Variants in RALY observed in about 807,000 individuals in gnomAD.
RALY encodes RNA-binding protein Raly.
A neutral mutation model predicts 30.7 loss-of-function variants in RALY; 15 were observed. The ratio of observed to expected loss-of-function variants is 0.49; its 90% CI spans 0.33 to 0.75. The LOEUF is 0.75. RALY is among the 30% of genes least tolerant of loss of function. The probability of loss-of-function intolerance (pLI) is 0.02; values close to 1 mark genes in which losing one functional copy is unlikely to be tolerated. For synonymous variants in RALY, 177 were observed against 170.8 expected, an observed-to-expected ratio of 1.04 and a Z score of -0.28; for missense variants, 339 against 414.3, an observed-to-expected ratio of 0.82 and a Z score of 1.58.
At chr20:34,020,116 A>G (rs8118044) in intron 1 of RALY, among the ~76,000 whole-genome samples, 14,900 of 152,232 alleles carry the variant, frequency 0.098, 2,432 homozygotes, top group African/African-American at 0.34. Context: ...AATAGTGTAT[A>G]GACATATGAA....
chr20:34,078,113 G>A (rs1364202602), intron 8 of RALY, among the ~76,000 whole-genome samples: 1 of 152,230 alleles, frequency 6.6e-6, no homozygotes, highest in Non-Finnish European at 1.5e-5. Flanking sequence ...TCTCCTTTGA[G>A]CGTAGCCTGA....
At chr20:34,018,432 G>A (rs940533725) in intron 1 of RALY, among the ~76,000 whole-genome samples, 21 of 152,138 alleles carry the variant, frequency 1.4e-4, no homozygotes, top group Non-Finnish European at 7.3e-5. Flanking sequence ...TTCTCTCATG[G>A]CAAAATCTTC....
chr20:34,077,433 A>G, intron 8 of RALY, 188 bp downstream of exon 8: 4 of 1,341,220 alleles, frequency 3.0e-6, no homozygotes, highest in Non-Finnish European at 4.0e-6. Flanking sequence ...CTCAGACACC[A>G]TCAGAAGTCC....
At chr20:34,019,827 C>T (rs1046451070) in intron 1 of RALY, among the ~76,000 whole-genome samples, 1 of 152,066 alleles carries the variant, frequency 6.6e-6, no homozygotes, top group African/African-American at 2.4e-5. Context: ...TTTGGGAGGC[C>T]GAGGCGGGCG....
intron 1 of RALY, among the ~76,000 whole-genome samples, chr20:34,020,039 C>CG (rs2031759757): frequency 6.6e-6 from 1 of 151,950 alleles, no homozygotes; most frequent in Non-Finnish European, 1.5e-5. Flanking sequence ...CCAGCCTGGG[C>CG]AACAGAGCAA....
At position 34,075,877 on chromosome 20, in the gene RALY, C is replaced by T; in HGVS notation, c.381C>T (p.Leu127=). 6.2e-7 allele frequency: 1 copy of T among 1,612,656 alleles called. No individual in the cohort carries two copies. ...DYYRDDFYDR[L]FDYRGRLSPV... ...TCTGGCCCATCTGCCCTCACAGGCT[C>T]TTCGACTACCGGGGCCGTCTGTCGC... The change falls in exon 6 of 10, where the codon CTC becomes CTT. Residue 127 remains leucine, a synonymous_variant. Transcript: ENST00000246194.
At chr20:34,000,091 A>G (rs1256014825) in intron 1 of RALY, among the ~76,000 whole-genome samples, 5 of 152,096 alleles carry the variant, frequency 3.3e-5, no homozygotes, top group African/African-American at 7.2e-5. Flanking sequence ...CTTCATGTCT[A>G]TATAGCTGGA....
chr20:34,073,475 C>T (rs2033788553), intron 3 of RALY, 88 bp from the exon 4 acceptor site: 2 of 1,248,806 alleles, frequency 1.6e-6, no homozygotes, highest in Non-Finnish European at 1.2e-6. Flanking sequence ...CGTGTAAGCA[C>T]ATGAATTGCT....
chr20:34,051,062 G>A (rs1188057886), intron 2 of RALY, among the ~76,000 whole-genome samples: 2 of 152,154 alleles, frequency 1.3e-5, no homozygotes, highest in Non-Finnish European at 2.9e-5. Flanking sequence ...AGAACAAACA[G>A]CTTAAAATTC....
At chr20:34,026,333 C>T (rs970362242) in intron 1 of RALY, among the ~76,000 whole-genome samples, 2 of 151,908 alleles carry the variant, frequency 1.3e-5, no homozygotes, top group Admixed American at 6.6e-5. Context: ...GTTCTGGTAT[C>T]GGAAGGAAAA....
rs6059645 is a variant in RALY at position 34,048,398 on chromosome 20, A to G, written c.-10+16794A>G. On this transcript the variant is annotated intron_variant, in intron 2 of 9. Transcript: ENST00000246194. ...CATCCCTAGGACTTCACATGAGTCT[A>G]AGTCTCATATGCTTTTAACAATGGA... Among the ~76,000 whole-genome samples, 980 of 152,268 alleles carry G rather than the reference A, an allele frequency of 6.4e-3. 10 individuals are homozygous for G. Among genetic ancestry groups the G allele is most frequent in the African/African-American group, 0.022 (926 of 41,538 alleles).
At position 33,996,558 on chromosome 20, in the gene RALY, G is replaced by C. The variant is rs532602772; in HGVS notation, c.-93+2427G>C. Among the ~76,000 whole-genome samples, 387 of 152,126 alleles carry C rather than the reference G, an allele frequency of 2.5e-3. 1 individual carries two copies. Among genetic ancestry groups the C allele is most frequent in the Non-Finnish European group, 4.6e-3 (315 of 68,010 alleles). ...TACCTGCCTCAGGGTCATGTAACTG[G>C]TAAGTGGCCATGGCAGTATTCAGAC... On this transcript the variant is annotated intron_variant, in intron 1 of 9. Coordinates refer to ENST00000246194, the MANE Select transcript of RALY (RefSeq NM_016732.3).
At chr20:34,034,529 T>C (rs764260010) in intron 2 of RALY, among the ~76,000 whole-genome samples, 1 of 152,208 alleles carries the variant, frequency 6.6e-6, no homozygotes, top group Non-Finnish European at 1.5e-5. Flanking sequence ...TTTTAAAATA[T>C]GAATGATTCC....
intron 9 of RALY, 115 bp downstream of exon 9, chr20:34,078,668 G>A (rs1301024537): frequency 4.1e-6 from 4 of 969,358 alleles, no homozygotes; most frequent in Non-Finnish European, 5.7e-6. Context: ...AAGTAGCACT[G>A]ACTATACCCA....
rs1298249214 is a variant in RALY at position 34,056,265 on chromosome 20, A to G, written c.-9-15801A>G. 2.0e-5 allele frequency among the ~76,000 whole-genome samples: 3 copies of G among 152,044 alleles called. No homozygotes were observed. The East Asian group carries it at 5.8e-4, about 29-fold the overall frequency. On this transcript the variant is annotated intron_variant, in intron 2 of 9. Coordinates refer to ENST00000246194, the MANE Select transcript of RALY (RefSeq NM_016732.3). Reference sequence around the variant, plus strand: ...CCTTATGCTATTTCCTCTTAAATGTACTCTCTTACCTGTGTGTGGGTTAAC... The same window carrying G: ...CCTTATGCTATTTCCTCTTAAATGTGCTCTCTTACCTGTGTGTGGGTTAAC...
intron 1 of RALY, among the ~76,000 whole-genome samples, chr20:34,027,963 G>A (rs1426390691): frequency 1.3e-5 from 2 of 152,190 alleles, no homozygotes; most frequent in Non-Finnish European, 2.9e-5. Context: ...TTATTGGGAG[G>A]TAGATCCAGA....
At chr20:34,009,530 C>A (rs2031308200) in intron 1 of RALY, among the ~76,000 whole-genome samples, 1 of 152,052 alleles carries the variant, frequency 6.6e-6, no homozygotes, top group African/African-American at 2.4e-5. Context: ...GCCACCACGC[C>A]CCAGCCTCTA....
chr20:34,013,990 T>C (rs1233088487), intron 1 of RALY, among the ~76,000 whole-genome samples: 1 of 152,204 alleles, frequency 6.6e-6, no homozygotes, highest in East Asian at 1.9e-4. Flanking sequence ...AGGGTCTCTG[T>C]TTTGCAAGAA....
chr20:34,081,896 A>G lies in RALY; in HGVS notation c.*1991A>G, dbSNP rs1408551935. ...GCCCCAGGGGGATCACGGTCCCCAT[A>G]TATTTGCTTGCCATGGACCCTGGGC... is the stretch of plus-strand genomic sequence containing the variant. On this transcript the variant is annotated 3_prime_UTR_variant, in exon 10 of 10. Transcript: ENST00000246194. 2 of 152,396 alleles carry G rather than the reference A, an allele frequency of 1.3e-5. 1 individual carries two copies. The highest frequency in any genetic ancestry group is 6.8e-3 in the Middle Eastern group (2 of 296). 9.4% of individuals were successfully genotyped at this position (152,396 alleles called of 1,614,324 possible). A position where few individuals can be genotyped will look rare whatever the true frequency, so the allele number is the denominator to read the frequency against.
Sources: gnomAD v4.1 joint callset for allele counts (sites outside exome capture counted in the v4.1 genomes callset) on GRCh38, gnomAD v4.1.1 for gene constraint, MANE v1.5 for transcripts, NCBI Gene and HGNC (gene_info 2026-07-23, HGNC 2026-07-21) for gene names.